Variants in ZC3H13 observed in about 807,000 individuals in gnomAD.
ZC3H13 encodes the protein zinc finger CCCH domain-containing protein 13.
ZC3H13 carries 64 observed loss-of-function variants against 204.1 expected under a neutral mutation model. The observed-to-expected ratio is 0.31, with a 90% confidence interval of 0.26 to 0.39. The LOEUF (loss-of-function observed/expected upper bound fraction) is 0.39. Among genes scored for constraint, ZC3H13 ranks in the 10% least tolerant of loss-of-function variants. The probability of loss-of-function intolerance (pLI) is 1.00; values close to 1 mark genes in which losing one functional copy is unlikely to be tolerated. For synonymous variants in ZC3H13, 667 were observed against 693.7 expected (o/e 0.96, Z 0.60); for missense variants, 1,833 against 2,082.7 (o/e 0.88, Z 2.33).
chr13:45,998,817 G>A (rs1014267626), intron 8 of ZC3H13, among the ~76,000 whole-genome samples: 1 of 152,158 alleles, frequency 6.6e-6, no homozygotes, highest in Admixed American at 6.5e-5. Context: ...AAAGGCTGGG[G>A]AGGCTGTGGC....
At chr13:45,978,949 A>C (rs1057419551) in intron 11 of ZC3H13, among the ~76,000 whole-genome samples, 2 of 152,080 alleles carry the variant, frequency 1.3e-5, no homozygotes, top group African/African-American at 2.4e-5. Context: ...CCAAAAGTAG[A>C]TGATGCCTTA....
chr13:45,958,399 G>A (rs1951421021), intron 18 of ZC3H13, among the ~76,000 whole-genome samples: 2 of 152,080 alleles, frequency 1.3e-5, no homozygotes, highest in Admixed American at 1.3e-4. Context: ...TGTCATCCAG[G>A]TTGAGTAGTC....
chr13:45,969,232 T>C lies in ZC3H13; in HGVS notation c.3312A>G (p.Pro1104=). The change falls in exon 14 of 19, where the codon CCA becomes CCG. Residue 1104 remains proline (P), a synonymous_variant. Transcript: ENST00000679008. ...TAGCAGTGGCAGTAGCCACAGGCGG[T>C]GGAGGAGGAAGAAGAGAAGATAGAG... ...PSPLSSLLPP[P]PPVATATATT... 1 of 1,613,750 alleles carries C rather than the reference T, an allele frequency of 6.2e-7. No homozygotes were observed. The highest frequency in any genetic ancestry group is 8.5e-7 in the Non-Finnish European group (1 of 1,179,860).
rs545009023 is a variant in ZC3H13, at chr13:45,985,888, A to C, written c.1256-127T>G. On this transcript the variant is annotated intron_variant, in intron 9 of 18. Coordinates refer to ENST00000679008, the MANE Select transcript of ZC3H13 (RefSeq NM_001330564.2). The stretch of plus-strand genomic sequence containing the variant: ...CAATTCGTGTTCTTTGCAAAAAATA[A>C]AGAAGCTAAAATTCCAAAGATAATT... 97 of 846,170 alleles carry C rather than the reference A, an allele frequency of 1.1e-4. 1 individual carries two copies. Among genetic ancestry groups the C allele is most frequent in the Middle Eastern group, 1.1e-3 (3 of 2,776 alleles). The allele number at this position is 846,170 out of a possible 1,614,324, so 52.4% of individuals were successfully genotyped here. A position where few individuals can be genotyped will look rare whatever the true frequency, so the allele number is the denominator to read the frequency against.
chr13:45,972,959 G>A (rs776276354), intron 12 of ZC3H13, among the ~76,000 whole-genome samples: 25 of 152,194 alleles, frequency 1.6e-4, no homozygotes, highest in Non-Finnish European at 3.4e-4. Flanking sequence ...ACACATGAAT[G>A]AGACAATCCT....
Position 46,026,282 on chromosome 13 carries a change from G to A in ZC3H13, c.340-5725C>T, listed in dbSNP as rs571962871. Among the ~76,000 whole-genome samples, 4 of 152,072 alleles carry A rather than the reference G, an allele frequency of 2.6e-5. No individual in the cohort carries two copies. The East Asian group carries it at 7.7e-4, about 29-fold the overall frequency. ...GTACAAAAAGAATTAAAATGAAAAAGAAATAGTTAATACTTCTGTATCTAT... is the reference window on the plus strand; with the variant it reads ...GTACAAAAAGAATTAAAATGAAAAAAAAATAGTTAATACTTCTGTATCTAT... On this transcript the variant is annotated intron_variant, in intron 4 of 18. Transcript: ENST00000679008.
At chr13:45,981,523 T>C (rs1050042882) in intron 10 of ZC3H13, among the ~76,000 whole-genome samples, 43 of 152,034 alleles carry the variant, frequency 2.8e-4, no homozygotes, top group Admixed American at 5.2e-4. Context: ...CTGGGTCAAA[T>C]GGTATTTCTA....
intron 9 of ZC3H13, among the ~76,000 whole-genome samples, chr13:45,987,281 T>C (rs571584717): frequency 6.6e-6 from 1 of 152,324 alleles, no homozygotes; most frequent in South Asian, 2.1e-4. Context: ...AAAACGCCTA[T>C]GATTTAAGTC....
chr13:45,987,635 G>A (rs886282753), intron 9 of ZC3H13, among the ~76,000 whole-genome samples: 2 of 151,996 alleles, frequency 1.3e-5, no homozygotes, highest in Non-Finnish European at 2.9e-5. Flanking sequence ...AAAAGAACCC[G>A]ACTGATTATT....
At position 45,967,822 on chromosome 13, in the gene ZC3H13, T is replaced by A. The variant is rs1475085578; in HGVS notation, c.4003A>T (p.Arg1335Trp). ...CGTTCTCGCAATCTATCTCGATCCC[T>A]GTTGCGTGGCCAATCTTTATCAGCA... Reference protein sequence around the residue: ...RDADKDWPRNRDRDRLRERER... With the variant: ...RDADKDWPRNWDRDRLRERER... Residue 1335 changes from arginine to tryptophan, a missense_variant, in exon 15 of 19, where the codon AGG (arginine) becomes TGG (tryptophan). Around this residue, in one of 5 missense-constraint regions of ZC3H13, gnomAD observed 1,574 missense variants for 1,757.2 expected, o/e 0.90. Transcript: ENST00000679008. 1 of 1,613,712 alleles carries A rather than the reference T, an allele frequency of 6.2e-7. No homozygotes were observed. Among genetic ancestry groups the A allele is most frequent in the African/African-American group, 1.3e-5 (1 of 74,934 alleles).
At chr13:46,040,107 A>G (rs1296316943) in intron 4 of ZC3H13, among the ~76,000 whole-genome samples, 2 of 152,190 alleles carry the variant, frequency 1.3e-5, no homozygotes, top group Non-Finnish European at 2.9e-5. Context: ...TCTTCCCTCA[A>G]AAGGAATGTT....
Position 45,989,564 on chromosome 13 carries a change from G to T in ZC3H13, c.945-467C>A, listed in dbSNP as rs528176138. ...TAGCATCAGCTAAGGCAAACAAAAA[G>T]TCCACGCTGCATGGGTTGACATTTA... is the stretch of plus-strand genomic sequence containing the variant. On this transcript the variant is annotated intron_variant, in intron 8 of 18. Coordinates refer to ENST00000679008, the MANE Select transcript of ZC3H13 (RefSeq NM_001330564.2). 1.9e-4 allele frequency among the ~76,000 whole-genome samples: 29 copies of T among 152,294 alleles called. No individual in the cohort carries two copies. The East Asian group carries it at 5.4e-3, about 28-fold the overall frequency.
At chr13:45,984,583 G>A (rs1016659778) in intron 10 of ZC3H13, among the ~76,000 whole-genome samples, 5 of 152,076 alleles carry the variant, frequency 3.3e-5, no homozygotes, top group Non-Finnish European at 7.4e-5. Flanking sequence ...GAAAAGACAA[G>A]GCAGCTCAAA....
chr13:46,004,265 G>T (rs1030820860), intron 7 of ZC3H13, among the ~76,000 whole-genome samples: 1 of 148,240 alleles, frequency 6.7e-6, no homozygotes, highest in Non-Finnish European at 1.5e-5. Flanking sequence ...GTAGATTTAG[G>T]TTGGGCATGG....
At chr13:45,995,959 T>C (rs1009615219) in intron 8 of ZC3H13, among the ~76,000 whole-genome samples, 1 of 152,218 alleles carries the variant, frequency 6.6e-6, no homozygotes, top group African/African-American at 2.4e-5. Flanking sequence ...AGTACTATTT[T>C]TTCATTTGAC....
intron 8 of ZC3H13, among the ~76,000 whole-genome samples, chr13:45,994,291 G>A (rs927143912): frequency 2.0e-5 from 3 of 152,098 alleles, no homozygotes; most frequent in African/African-American, 7.2e-5. Context: ...GTTAACAGTG[G>A]GCTATTAGTA....
chr13:46,042,393 A>G (rs2043648072), intron 3 of ZC3H13, 118 bp from the exon 4 acceptor site: 1 of 635,620 alleles, frequency 1.6e-6, no homozygotes. Context: ...ACAAATCTCA[A>G]TACACTTTTT....
At chr13:46,034,353 T>C (rs922281602) in intron 4 of ZC3H13, among the ~76,000 whole-genome samples, 31 of 152,206 alleles carry the variant, frequency 2.0e-4, no homozygotes, top group African/African-American at 6.8e-4. Context: ...GCAGCTTTAT[T>C]CTTAATAGGT....
At chr13:46,022,655 T>C (rs2138845412) in intron 4 of ZC3H13, among the ~76,000 whole-genome samples, 1 of 152,084 alleles carries the variant, frequency 6.6e-6, no homozygotes, top group Non-Finnish European at 1.5e-5. Context: ...AGTCTTGAAA[T>C]ACTTGAAGAA....
Sources: gnomAD v4.1 joint callset for allele counts (sites outside exome capture counted in the v4.1 genomes callset) on GRCh38, gnomAD v4.1.1 for gene constraint, gnomAD v4.1.1 regional missense constraint, MANE v1.5 for transcripts, NCBI Gene and HGNC (gene_info 2026-07-23, HGNC 2026-07-21) for gene names.